CDH13: variants seen among roughly 807,000 people sequenced by gnomAD.
CDH13 encodes the protein cadherin 13, also known as cadherin-13.
Under a neutral mutation model 63.8 loss-of-function variants are expected in CDH13, and 24 were observed. The ratio of observed to expected loss-of-function variants is 0.38; its 90% CI spans 0.27 to 0.53. CDH13 has a LOEUF of 0.53. Ranked by LOEUF, CDH13 falls within the 20% of genes least tolerant of loss-of-function variation. The pLI is 0.85. For synonymous variants in CDH13, 503 were observed against 355.3 expected, an observed-to-expected ratio of 1.42 and a Z score of -4.67; for missense variants, 1,049 against 903.1, an observed-to-expected ratio of 1.16 and a Z score of -2.07.
intron 1 of CDH13, among the ~76,000 whole-genome samples, chr16:82,795,441 C>A (rs1171673177): frequency 6.6e-6 from 1 of 152,144 alleles, no homozygotes; most frequent in African/African-American, 2.4e-5. Flanking sequence ...GGTCGGGGAA[C>A]CTCAAATTGT....
At chr16:83,378,238 A>C (rs2091492287) in intron 6 of CDH13, among the ~76,000 whole-genome samples, 1 of 152,184 alleles carries the variant, frequency 6.6e-6, no homozygotes, top group South Asian at 2.1e-4. Context: ...AGATGACAAA[A>C]CAACAACTGA....
At chr16:83,464,672 C>A (rs2073264119) in intron 6 of CDH13, among the ~76,000 whole-genome samples, 1 of 152,056 alleles carries the variant, frequency 6.6e-6, no homozygotes. Flanking sequence ...CCTCTTATTA[C>A]AAGGATACCC....
chr16:83,011,408 G>C (rs1290527970), intron 2 of CDH13, among the ~76,000 whole-genome samples: 2 of 152,148 alleles, frequency 1.3e-5, no homozygotes, highest in Admixed American at 6.5e-5. Flanking sequence ...CAGGGAATTA[G>C]TCTGAAAGAA....
At chr16:82,674,121 T>C (rs531622175) in intron 1 of CDH13, among the ~76,000 whole-genome samples, 2 of 152,302 alleles carry the variant, frequency 1.3e-5, no homozygotes, top group South Asian at 4.1e-4. Flanking sequence ...ATTCTTGATA[T>C]GGATGGCAGA....
intron 2 of CDH13, among the ~76,000 whole-genome samples, chr16:82,928,848 A>G (rs1384134621): frequency 6.6e-6 from 1 of 152,188 alleles, no homozygotes; most frequent in Non-Finnish European, 1.5e-5. Flanking sequence ...ATGAACTGAA[A>G]ACACTTAGCC....
intron 8 of CDH13, among the ~76,000 whole-genome samples, chr16:83,625,860 C>G (rs191420236): frequency 1.3e-5 from 2 of 152,262 alleles, no homozygotes; most frequent in East Asian, 1.9e-4. Context: ...GTAAGCCACG[C>G]GGTAGCCAGA....
At chr16:83,529,750 C>A (rs1469741260) in intron 7 of CDH13, among the ~76,000 whole-genome samples, 1 of 151,840 alleles carries the variant, frequency 6.6e-6, no homozygotes, top group Admixed American at 6.6e-5. Flanking sequence ...TAAACGACCA[C>A]ATAAAAGAAA....
At chr16:82,670,627 G>A (rs565737347) in intron 1 of CDH13, among the ~76,000 whole-genome samples, 3 of 152,172 alleles carry the variant, frequency 2.0e-5, no homozygotes, top group Admixed American at 1.3e-4. Flanking sequence ...ACAGATTCTC[G>A]GAATGAGCTA....
At chr16:83,103,686 A>G (rs753506032) in intron 3 of CDH13, among the ~76,000 whole-genome samples, 1 of 152,176 alleles carries the variant, frequency 6.6e-6, no homozygotes, top group Non-Finnish European at 1.5e-5. Context: ...CCTTGAGCAG[A>G]GTGTTTAACC....
chr16:82,888,530 G>A (rs537918178), intron 2 of CDH13, among the ~76,000 whole-genome samples: 22 of 152,258 alleles, frequency 1.4e-4, no homozygotes, highest in Admixed American at 4.6e-4. Context: ...TCTCCTGGTC[G>A]CCTGGACAGA....
intron 7 of CDH13, among the ~76,000 whole-genome samples, chr16:83,513,141 T>A (rs964841982): frequency 1.3e-5 from 2 of 152,108 alleles, no homozygotes; most frequent in African/African-American, 4.8e-5. Context: ...GCTAGTCCCA[T>A]GAGAAAAAGA....
intron 3 of CDH13, among the ~76,000 whole-genome samples, chr16:83,069,418 A>G (rs1408908687): frequency 1.3e-5 from 2 of 152,164 alleles, no homozygotes; most frequent in Non-Finnish European, 2.9e-5. Flanking sequence ...AGAAACACCT[A>G]CTACGTGCCA....
At chr16:82,731,438 TG>T (rs1367232647) in intron 1 of CDH13, among the ~76,000 whole-genome samples, 4 of 152,240 alleles carry the variant, frequency 2.6e-5, no homozygotes, top group Non-Finnish European at 5.9e-5. Flanking sequence ...TTTAAAAATG[TG>T]TTGATTCTGG....
chr16:83,114,659 G>C, intron 3 of CDH13, among the ~76,000 whole-genome samples: 1 of 152,182 alleles, frequency 6.6e-6, no homozygotes, highest in East Asian at 1.9e-4. Flanking sequence ...TGGGAAAATA[G>C]ATACATGGAA....
At chr16:83,032,284 A>G (rs1916436852) in intron 3 of CDH13, 66 bp downstream of exon 3, 1 of 1,221,760 alleles carries the variant, frequency 8.2e-7, no homozygotes, top group African/African-American at 1.5e-5. Context: ...TCTTATGTGG[A>G]AAATGGGTCT....
At chr16:83,330,594 G>A (rs905187870) in intron 5 of CDH13, among the ~76,000 whole-genome samples, 1 of 152,190 alleles carries the variant, frequency 6.6e-6, no homozygotes, top group East Asian at 1.9e-4. Flanking sequence ...TAGGACCAAT[G>A]TAGCACAGAT....
At chr16:83,349,526 G>A (rs939979376) in intron 6 of CDH13, among the ~76,000 whole-genome samples, 2 of 152,012 alleles carry the variant, frequency 1.3e-5, no homozygotes, top group Non-Finnish European at 2.9e-5. Flanking sequence ...AGAGGTACAG[G>A]GACAGATACC....
chr16:82,906,315 C>T (rs2041646615), intron 2 of CDH13, among the ~76,000 whole-genome samples: 1 of 152,228 alleles, frequency 6.6e-6, no homozygotes, highest in South Asian at 2.1e-4. Context: ...GATGAGGATT[C>T]CTTTAACACA....
At chr16:83,326,080 C>A (rs2090353449) in intron 5 of CDH13, among the ~76,000 whole-genome samples, 1 of 152,182 alleles carries the variant, frequency 6.6e-6, no homozygotes, top group African/African-American at 2.4e-5. Context: ...AATAAGTCAT[C>A]TGAATTGATA....
Sources: gnomAD v4.1 joint callset for allele counts (sites outside exome capture counted in the v4.1 genomes callset) on GRCh38, gnomAD v4.1.1 for gene constraint, MANE v1.5 for transcripts, NCBI Gene and HGNC (gene_info 2026-07-23, HGNC 2026-07-21) for gene names.